The following GRAMD1B variants were observed in gnomAD, a reference collection of about 807,000 sequenced individuals.
GRAMD1B encodes the protein protein Aster-B.
GRAMD1B carries 37 observed loss-of-function variants against 99.7 expected under a neutral mutation model. The observed-to-expected ratio is 0.37, with a 90% CI of 0.29 to 0.49. GRAMD1B has a LOEUF of 0.49. Ranked by LOEUF, GRAMD1B falls within the 20% of genes least tolerant of loss-of-function variation. GRAMD1B has a pLI of 0.98. For synonymous variants in GRAMD1B, 427 were observed against 387.6 expected, an observed-to-expected ratio of 1.10 and a Z score of -1.19; for missense variants, 888 against 1,009.2, an observed-to-expected ratio of 0.88 and a Z score of 1.63.
chr11:123,560,539 C>G, intron 2 of GRAMD1B: 2 of 1,233,640 alleles, frequency 1.6e-6, no homozygotes, highest in Non-Finnish European at 2.1e-6. Flanking sequence ...TGAGTGCCCT[C>G]CAGCCTCCTC....
intron 3 of GRAMD1B, among the ~76,000 whole-genome samples, chr11:123,581,714 C>A (rs1949370633): frequency 6.6e-6 from 1 of 152,228 alleles, no homozygotes; most frequent in African/African-American, 2.4e-5. Context: ...TTCTTTAGTA[C>A]ATGTTCTTAC....
At chr11:123,370,595 C>T (rs1248576263) in intron 1 of GRAMD1B, among the ~76,000 whole-genome samples, 1 of 152,046 alleles carries the variant, frequency 6.6e-6, no homozygotes, top group Non-Finnish European at 1.5e-5. Flanking sequence ...CCACCTCAGC[C>T]TCCGAAAGTG....
chr11:123,437,651 T>C (rs1353939760), intron 1 of GRAMD1B, among the ~76,000 whole-genome samples: 2 of 152,194 alleles, frequency 1.3e-5, no homozygotes, highest in Admixed American at 1.3e-4. Context: ...GGTTTCCACT[T>C]AGCTCCATGT....
intron 2 of GRAMD1B, chr11:123,560,684 G>A (rs1412517581): frequency 5.0e-3 from 7 of 1,400 alleles, no homozygotes; most frequent in Admixed American, 0.024. Context: ...CGCCTGGTGC[G>A]TGTGTGTGTG....
intron 1 of GRAMD1B, among the ~76,000 whole-genome samples, chr11:123,435,937 C>CTTTTTTTTT (rs10647186): frequency 6.3e-5 from 6 of 95,704 alleles, no homozygotes; most frequent in Non-Finnish European, 9.8e-5. Context: ...GAAACTCATA[C>CTTTTTTTTT]TTTTTTTTTT....
rs1230040736 is a variant in GRAMD1B at position 123,492,390 on chromosome 11, C to T, written c.452+11497C>T. On this transcript the variant is annotated intron_variant, in intron 2 of 19. Transcript: ENST00000635736. This position sits in a 1 kb window ranked among gnomAD's most constrained non-coding sequence, Gnocchi z 4.2. ...AAGCAGTAGGTGTTTGGGGCCATTGCTGTGTGTTCATTTCTATATCACCTC... is the reference window on the plus strand; with the variant it reads ...AAGCAGTAGGTGTTTGGGGCCATTGTTGTGTGTTCATTTCTATATCACCTC... Among the ~76,000 whole-genome samples the T allele has an allele frequency of 6.6e-6, 1 of 152,078 alleles. No individual in the cohort carries two copies. The highest frequency in any genetic ancestry group is 1.5e-5 in the Non-Finnish European group (1 of 68,026).
intron 1 of GRAMD1B, among the ~76,000 whole-genome samples, chr11:123,456,496 C>T (rs1413674871): frequency 6.6e-6 from 1 of 151,926 alleles, no homozygotes; most frequent in Non-Finnish European, 1.5e-5. Flanking sequence ...AAATTGGGGC[C>T]AAGTGTGGTG....
chr11:123,461,586 C>G (rs987676872), intron 1 of GRAMD1B, among the ~76,000 whole-genome samples: 1 of 152,310 alleles, frequency 6.6e-6, no homozygotes, highest in East Asian at 1.9e-4. Context: ...GTTGTTGAGA[C>G]AGCTCTACTT....
At chr11:123,561,537 C>T (rs1338122905) in intron 2 of GRAMD1B, among the ~76,000 whole-genome samples, 4 of 152,252 alleles carry the variant, frequency 2.6e-5, no homozygotes, top group Non-Finnish European at 4.4e-5. Flanking sequence ...TACTCCCCCA[C>T]ACCTCCTTGC....
rs1955533216 is a variant in GRAMD1B at position 123,626,906 on chromosome 11, C to T, written c.*4311C>T. 1 of 152,256 alleles carries T rather than the reference C, an allele frequency of 6.6e-6. No homozygotes were observed. The allele number at this position is 152,256 out of a possible 1,614,324, so 9.4% of individuals were successfully genotyped here. A position where few individuals can be genotyped will look rare whatever the true frequency, so the allele number is the denominator to read the frequency against. On this transcript the variant is annotated 3_prime_UTR_variant, in exon 20 of 20. Coordinates refer to ENST00000635736, the MANE Select transcript of GRAMD1B (RefSeq NM_001387025.1). ...TCATAGTGCAGAGCAGAAACTTGCA[C>T]ACTATTTAGAGAGCTCCCTTCCCAC...
intron 1 of GRAMD1B, among the ~76,000 whole-genome samples, chr11:123,395,137 G>T (rs1221366381): frequency 1.3e-5 from 2 of 152,074 alleles, no homozygotes; most frequent in Non-Finnish European, 2.9e-5. Context: ...ATTTAGCCAG[G>T]ATCTCAATGA....
intron 1 of GRAMD1B, among the ~76,000 whole-genome samples, chr11:123,386,977 A>T (rs1192687962): frequency 6.6e-6 from 1 of 152,230 alleles, no homozygotes; most frequent in African/African-American, 2.4e-5. Context: ...AGGAATGCCT[A>T]GTCCATTTCA....
intron 1 of GRAMD1B, among the ~76,000 whole-genome samples, chr11:123,444,983 G>T (rs1333867126): frequency 6.6e-6 from 1 of 152,088 alleles, no homozygotes; most frequent in Non-Finnish European, 1.5e-5. Context: ...ATAAACTCAG[G>T]TATTATCTAT....
intron 14 of GRAMD1B, among the ~76,000 whole-genome samples, chr11:123,611,443 AG>A (rs1212408916): frequency 2.0e-5 from 3 of 152,094 alleles, no homozygotes; most frequent in African/African-American, 7.2e-5. Flanking sequence ...CTTAAAAAAG[AG>A]GGCCTGCATC....
chr11:123,594,244 A>G, intron 5 of GRAMD1B, 78 bp downstream of exon 5: 2 of 963,352 alleles, frequency 2.1e-6, no homozygotes, highest in Non-Finnish European at 3.4e-6. Flanking sequence ...GCTTCTCTCT[A>G]GAGGCCTCAA....
intron 9 of GRAMD1B, among the ~76,000 whole-genome samples, chr11:123,604,754 T>C (rs973975849): frequency 6.6e-6 from 1 of 152,232 alleles, no homozygotes; most frequent in East Asian, 1.9e-4. Flanking sequence ...GATAGGCTGA[T>C]GATTGCTCCC....
At chr11:123,421,571 G>A (rs1391103645) in intron 1 of GRAMD1B, among the ~76,000 whole-genome samples, 1 of 152,172 alleles carries the variant, frequency 6.6e-6, no homozygotes, top group Non-Finnish European at 1.5e-5. Context: ...AGAAGGATGT[G>A]CATGGGATGA....
intron 1 of GRAMD1B, among the ~76,000 whole-genome samples, chr11:123,411,489 C>G (rs1948050108): frequency 6.6e-6 from 1 of 152,082 alleles, no homozygotes; most frequent in African/African-American, 2.4e-5. Context: ...ATCATAATGT[C>G]AGCTCTGGAA....
rs909193279 is a variant in GRAMD1B, at chr11:123,619,071, T to G, written c.2427-36T>G. The G allele has an allele frequency of 4.2e-6, 5 of 1,181,758 alleles. No individual in the cohort carries two copies. The African/African-American group carries it at 7.6e-5, about 18-fold the overall frequency. 73.2% of individuals were successfully genotyped at this position (1,181,758 alleles called of 1,614,324 possible). A position where few individuals can be genotyped will look rare whatever the true frequency, so the allele number is the denominator to read the frequency against. On this transcript the variant is annotated intron_variant, in intron 18 of 19. Coordinates refer to ENST00000635736, the MANE Select transcript of GRAMD1B (RefSeq NM_001387025.1). ...CCCAGGACAGTTCGCTGAGCATAAC[T>G]CCAGCTGCTGGGGTACCCCTTCTTC...
Sources: allele counts gnomAD v4.1 joint callset (sites outside exome capture counted in the v4.1 genomes callset), GRCh38; gene constraint gnomAD v4.1.1; non-coding constraint Gnocchi (gnomAD v3.1); transcripts MANE v1.5; gene names NCBI Gene and HGNC (gene_info 2026-07-23, HGNC 2026-07-21).